GRM8: variants seen among roughly 807,000 people sequenced by gnomAD.
GRM8 encodes the protein glutamate metabotropic receptor 8.
A neutral mutation model predicts 87.2 loss-of-function variants in GRM8; 47 were observed. The observed-to-expected ratio is 0.54, with a 90% confidence interval of 0.43 to 0.69. The LOEUF (loss-of-function observed/expected upper bound fraction) is 0.69, where lower values mean the gene tolerates loss of function less well. GRM8 is among the 30% of genes least tolerant of loss of function. The probability of loss-of-function intolerance (pLI) is 0.00; values close to 1 mark genes in which losing one functional copy is unlikely to be tolerated. For missense variants in GRM8, 1,019 were observed against 1,139.2 expected (o/e 0.89, Z 1.52); for synonymous variants, 396 against 404.5 (o/e 0.98, Z 0.25).
intron 9 of GRM8, among the ~76,000 whole-genome samples, chr7:126,498,105 T>C (rs1336212862): frequency 1.3e-5 from 2 of 151,868 alleles, no homozygotes; most frequent in African/African-American, 2.4e-5. Flanking sequence ...GGTTAGATAA[T>C]TTCATGATGA....
chr7:127,122,928 G>A (rs1827168354), intron 2 of GRM8, among the ~76,000 whole-genome samples: 1 of 152,060 alleles, frequency 6.6e-6, no homozygotes, highest in African/African-American at 2.4e-5. Flanking sequence ...AAGGGTAAGG[G>A]GATGAGTGGA....
intron 7 of GRM8, among the ~76,000 whole-genome samples, chr7:126,760,027 T>A (rs953553120): frequency 6.6e-6 from 1 of 152,126 alleles, no homozygotes; most frequent in Admixed American, 6.5e-5. Flanking sequence ...CATAAACTCC[T>A]TCAGAAATTT....
chr7:126,732,766 T>A (rs1813740680), intron 7 of GRM8, among the ~76,000 whole-genome samples: 1 of 152,110 alleles, frequency 6.6e-6, no homozygotes, highest in African/African-American at 2.4e-5. Flanking sequence ...ATACTTTCCA[T>A]TGAATCACTG....
chr7:126,895,213 C>T (rs1210000795), intron 6 of GRM8, among the ~76,000 whole-genome samples: 1 of 152,040 alleles, frequency 6.6e-6, no homozygotes, highest in Admixed American at 6.6e-5. Flanking sequence ...CTACTGATTG[C>T]ATGTTTTTGC....
At chr7:127,239,684 AG>A (rs2116860520) in intron 2 of GRM8, among the ~76,000 whole-genome samples, 1 of 152,372 alleles carries the variant, frequency 6.6e-6, no homozygotes, top group South Asian at 2.1e-4. Flanking sequence ...ATGTATAAAC[AG>A]AAGTCATCCA....
chr7:126,740,875 TA>T (rs2151509491), intron 7 of GRM8, among the ~76,000 whole-genome samples: 1 of 152,238 alleles, frequency 6.6e-6, no homozygotes, highest in African/African-American at 2.4e-5. Flanking sequence ...GGAGAAACTC[TA>T]ACAACTTCCT....
intron 7 of GRM8, among the ~76,000 whole-genome samples, chr7:126,712,761 C>A (rs746841346): frequency 1.6e-4 from 24 of 152,118 alleles, no homozygotes; most frequent in Non-Finnish European, 2.8e-4. Flanking sequence ...AAGAAAAAAA[C>A]CCCATCAAAA....
chr7:126,812,102 C>T (rs1014299350), intron 6 of GRM8, among the ~76,000 whole-genome samples: 14 of 151,886 alleles, frequency 9.2e-5, no homozygotes, highest in African/African-American at 3.4e-4. Flanking sequence ...AACCAAATTA[C>T]ACTTGTACCC....
intron 9 of GRM8, among the ~76,000 whole-genome samples, chr7:126,498,946 T>C (rs889122206): frequency 6.6e-6 from 1 of 151,996 alleles, no homozygotes; most frequent in Non-Finnish European, 1.5e-5. Context: ...TGGCATAAAA[T>C]AAAATATCAT....
intron 3 of GRM8, among the ~76,000 whole-genome samples, chr7:127,034,143 A>G (rs1271149414): frequency 6.6e-6 from 1 of 152,192 alleles, no homozygotes; most frequent in Admixed American, 6.5e-5. Flanking sequence ...TTACATATAA[A>G]TACATTTTCT....
At chr7:126,688,172 C>G (rs557960601) in intron 7 of GRM8, among the ~76,000 whole-genome samples, 3 of 152,258 alleles carry the variant, frequency 2.0e-5, no homozygotes, top group South Asian at 2.1e-4. Flanking sequence ...GCCAGGTTCT[C>G]TCATATACGT....
intron 9 of GRM8, among the ~76,000 whole-genome samples, chr7:126,491,515 G>A (rs577131261): frequency 1.3e-5 from 2 of 152,114 alleles, no homozygotes; most frequent in East Asian, 3.9e-4. Flanking sequence ...CATTTTATAA[G>A]TATGCAAATG....
chr7:126,605,845 G>T (rs943504196), intron 8 of GRM8, among the ~76,000 whole-genome samples: 2 of 152,164 alleles, frequency 1.3e-5, no homozygotes, highest in Admixed American at 6.6e-5. Context: ...TCTCTAGGCT[G>T]CCATTGCAAA....
intron 2 of GRM8, among the ~76,000 whole-genome samples, chr7:127,151,669 TAC>T (rs1406094935): frequency 8.5e-5 from 13 of 152,198 alleles, no homozygotes; most frequent in African/African-American, 3.1e-4. Context: ...TTTTAAGAAA[TAC>T]ACAGAGATGT....
chr7:127,039,979 G>A (rs1287950893), intron 3 of GRM8, among the ~76,000 whole-genome samples: 2 of 79,246 alleles, frequency 2.5e-5, no homozygotes, highest in Admixed American at 2.4e-4. Context: ...GGAGGGGAAA[G>A]GGGAAGGGGA....
intron 7 of GRM8, among the ~76,000 whole-genome samples, chr7:126,752,416 A>G (rs1362949228): frequency 1.3e-5 from 2 of 152,178 alleles, no homozygotes; most frequent in African/African-American, 2.4e-5. Flanking sequence ...AGGTATTTGC[A>G]AGACAAAATA....
chr7:126,483,599 T>C (rs1395964297), intron 9 of GRM8, among the ~76,000 whole-genome samples: 2 of 151,482 alleles, frequency 1.3e-5, no homozygotes, highest in South Asian at 2.1e-4. Context: ...GTCTAGAGTA[T>C]ATATAAACTT....
In GRM8 at chr7:126,612,216, G is replaced by C. The variant is rs554407339; in HGVS notation, c.1358-2718C>G. Among the ~76,000 whole-genome samples, 8 of 152,192 alleles carry C rather than the reference G, an allele frequency of 5.3e-5. No individual in the cohort carries two copies. In the South Asian group the frequency reaches 1.7e-3, roughly 32 times the overall value. The stretch of plus-strand genomic sequence containing the variant: ...TCTTTTGTTGTTTTGTGGAAATGTT[G>C]TGTTTGAGAGCCACTGTCTATATGA... On this transcript the variant is annotated intron_variant, in intron 7 of 10. Coordinates refer to ENST00000339582, the MANE Select transcript of GRM8 (RefSeq NM_000845.3).
chr7:126,833,737 T>C (rs1341764409), intron 6 of GRM8, among the ~76,000 whole-genome samples: 1 of 152,154 alleles, frequency 6.6e-6, no homozygotes, highest in Non-Finnish European at 1.5e-5. Flanking sequence ...GGATTATGGC[T>C]TCAACAAACA....
Sources: allele counts gnomAD v4.1 joint callset (sites outside exome capture counted in the v4.1 genomes callset), GRCh38; gene constraint gnomAD v4.1.1; transcripts MANE v1.5; gene names NCBI Gene and HGNC (gene_info 2026-07-23, HGNC 2026-07-21).